Variants in VEPH1 observed in about 807,000 individuals in gnomAD.
The protein encoded by VEPH1 is ventricular zone-expressed PH domain-containing protein homolog 1.
Under a neutral mutation model 85.2 loss-of-function variants are expected in VEPH1, and 80 were observed. The observed-to-expected ratio is 0.94, with a 90% CI of 0.78 to 1.13. The LOEUF (loss-of-function observed/expected upper bound fraction) is 1.13. Among genes scored for constraint, VEPH1 ranks in the 50% most tolerant of loss-of-function variants. The pLI is 0.00. For synonymous variants in VEPH1, 297 were observed against 348.0 expected (o/e 0.85, Z 1.63); for missense variants, 955 against 980.5 (o/e 0.97, Z 0.35).
intron 12 of VEPH1, among the ~76,000 whole-genome samples, chr3:157,268,032 C>CA (rs935329701): frequency 6.6e-6 from 1 of 152,176 alleles, no homozygotes; most frequent in African/African-American, 2.4e-5. Context: ...AGCAGGAACT[C>CA]ATGAAATATA....
At chr3:157,365,245 A>G (rs1726509945) in intron 7 of VEPH1, among the ~76,000 whole-genome samples, 1 of 152,246 alleles carries the variant, frequency 6.6e-6, no homozygotes, top group African/African-American at 2.4e-5. Flanking sequence ...GAGTAATTAT[A>G]GGAAAGTAGC....
chr3:157,492,133 A>T (rs1279970790), intron 2 of VEPH1, among the ~76,000 whole-genome samples: 1 of 152,166 alleles, frequency 6.6e-6, no homozygotes, highest in Non-Finnish European at 1.5e-5. Context: ...CCAAGACATT[A>T]TCTTTTGATG....
At chr3:157,490,343 G>C (rs897947568) in intron 2 of VEPH1, among the ~76,000 whole-genome samples, 8 of 151,896 alleles carry the variant, frequency 5.3e-5, no homozygotes, top group African/African-American at 1.9e-4. Flanking sequence ...AACCTGCATA[G>C]GTGACAAAGG....
chr3:157,322,361 T>C (rs13072425), intron 9 of VEPH1, among the ~76,000 whole-genome samples: 8,771 of 152,332 alleles, frequency 0.058, 297 homozygotes, highest in South Asian at 0.1. Flanking sequence ...CATTTTTCTG[T>C]TGATGGACAT....
chr3:157,482,103 G>A (rs556148329), intron 2 of VEPH1, among the ~76,000 whole-genome samples: 1 of 152,276 alleles, frequency 6.6e-6, no homozygotes, highest in East Asian at 1.9e-4. Flanking sequence ...GTCTGGTAAT[G>A]TGATGCCTCC....
At chr3:157,437,948 G>C in intron 4 of VEPH1, 1 of 1,523,800 alleles carries the variant, frequency 6.6e-7, no homozygotes, top group East Asian at 2.5e-5. Flanking sequence ...ACCTCCCACT[G>C]CGGCTTTGTT....
intron 6 of VEPH1, among the ~76,000 whole-genome samples, chr3:157,407,451 G>A (rs1197177260): frequency 1.3e-5 from 2 of 152,082 alleles, no homozygotes; most frequent in Admixed American, 6.6e-5. Context: ...GGTGGTCTGC[G>A]ATACAAATGT....
At chr3:157,501,948 T>A (rs915700077) in intron 1 of VEPH1, among the ~76,000 whole-genome samples, 1 of 152,224 alleles carries the variant, frequency 6.6e-6, no homozygotes, top group East Asian at 1.9e-4. Context: ...ATTTTTCCCT[T>A]GAAAGAAAGG....
intron 9 of VEPH1, among the ~76,000 whole-genome samples, chr3:157,344,361 A>G (rs1723953144): frequency 6.6e-6 from 1 of 152,226 alleles, no homozygotes. Context: ...TGCAAAAATC[A>G]CAAGCATTCT....
At chr3:157,286,430 A>G in intron 12 of VEPH1, 127 bp downstream of exon 12, 4 of 773,900 alleles carry the variant, frequency 5.2e-6, no homozygotes, top group South Asian at 3.2e-5. Flanking sequence ...AAGCAGGGAC[A>G]TGACTCTGTG....
intron 4 of VEPH1, chr3:157,442,864 G>A (rs1734245696): frequency 6.2e-7 from 1 of 1,614,090 alleles, no homozygotes. Flanking sequence ...AGTGTTCTTA[G>A]CAATGAAGAG....
At chr3:157,294,086 A>G (rs991294797) in intron 11 of VEPH1, among the ~76,000 whole-genome samples, 1 of 152,100 alleles carries the variant, frequency 6.6e-6, no homozygotes, top group Non-Finnish European at 1.5e-5. Context: ...TGTTAAATCT[A>G]TTTGTGGTAC....
At position 157,363,672 on chromosome 3, in the gene VEPH1, C is replaced by T. The variant is rs1201419481; in HGVS notation, c.1427G>A (p.Ser476Asn). ...EDENRGDIPA[S>N]ISLSEIDPLG... ...TGGGTCTATTTCTGAAAGAGAGATG[C>T]TGGCTGGTATGTCTCCCCTGTTTTC... The change falls in exon 9 of 14, where the codon AGC (serine) becomes AAC (asparagine). Residue 476 changes from serine (S) to asparagine (N), a missense_variant. Ser to Asn is a conservative substitution (Grantham distance 46, BLOSUM62 1). Coordinates refer to ENST00000362010, the MANE Select transcript of VEPH1 (RefSeq NM_001167912.2). 2.1e-5 allele frequency: 34 copies of T among 1,614,002 alleles called. No individual in the cohort carries two copies. The highest frequency in any genetic ancestry group is 2.7e-5 in the Non-Finnish European group (32 of 1,180,024).
chr3:157,397,170 C>T (rs766500928), intron 6 of VEPH1, among the ~76,000 whole-genome samples: 1 of 152,162 alleles, frequency 6.6e-6, no homozygotes, highest in Non-Finnish European at 1.5e-5. Flanking sequence ...CTCCCAGCAC[C>T]ATTTATTAAA....
At chr3:157,347,381 T>C in intron 9 of VEPH1, among the ~76,000 whole-genome samples, 1 of 152,168 alleles carries the variant, frequency 6.6e-6, no homozygotes, top group East Asian at 1.9e-4. Flanking sequence ...AAGAAAATCA[T>C]GTAGATTCAG....
chr3:157,306,810 C>G (rs1042160126), intron 11 of VEPH1, among the ~76,000 whole-genome samples: 6 of 151,720 alleles, frequency 4.0e-5, no homozygotes, highest in Non-Finnish European at 7.4e-5. Context: ...TTTAGTGCAC[C>G]CTTCATCTAA....
chr3:157,261,257 G>T lies in VEPH1; in HGVS notation c.2379C>A (p.Asp793Glu), dbSNP rs147651221. The T allele has an allele frequency of 3.1e-6, 5 of 1,613,600 alleles. No individual in the cohort carries two copies. The African/African-American group carries it at 5.3e-5, about 17-fold the overall frequency. The change falls in exon 14 of 14, where the codon GAC becomes GAA. Residue 793 changes from aspartate (D) to glutamate (E), a missense_variant. Transcript: ENST00000362010. ...SLPRAFEIFTDNKTYVFKAKD... is the reference protein window; with the variant it reads ...SLPRAFEIFTENKTYVFKAKD... ...TGGCCTTAAAGACATAGGTTTTATT[G>T]TCTGTGAAGATTTCGAAAGCCCGGG... is the stretch of plus-strand genomic sequence containing the variant.
chr3:157,412,943 G>A, intron 6 of VEPH1, among the ~76,000 whole-genome samples: 1 of 151,976 alleles, frequency 6.6e-6, no homozygotes, highest in Non-Finnish European at 1.5e-5. Context: ...AATTCTAACT[G>A]GGTTACTCAC....
chr3:157,423,535 C>A (rs983105902), intron 5 of VEPH1, among the ~76,000 whole-genome samples: 1 of 152,214 alleles, frequency 6.6e-6, no homozygotes, highest in East Asian at 1.9e-4. Flanking sequence ...TCAAGATTCC[C>A]AGCTCTGAAT....
Sources: gnomAD v4.1 joint callset for allele counts (sites outside exome capture counted in the v4.1 genomes callset) on GRCh38, gnomAD v4.1.1 for gene constraint, MANE v1.5 for transcripts, NCBI Gene and HGNC (gene_info 2026-07-23, HGNC 2026-07-21) for gene names.